LRMDA: variants seen among roughly 807,000 people sequenced by gnomAD.
The protein encoded by LRMDA is leucine-rich melanocyte differentiation-associated protein.
A neutral mutation model predicts 29.8 loss-of-function variants in LRMDA; 18 were observed. The ratio of observed to expected loss-of-function variants is 0.60; its 90% CI spans 0.42 to 0.90. The LOEUF (loss-of-function observed/expected upper bound fraction) is 0.90. Ranked by LOEUF, LRMDA falls within the 40% of genes least tolerant of loss-of-function variation. LRMDA has a pLI of 0.00. For synonymous variants in LRMDA, 125 were observed against 109.4 expected (o/e 1.14, Z -0.89); for missense variants, 273 against 273.9 (o/e 1.00, Z 0.02).
chr10:76,154,925 A>C (rs1351792984), intron 5 of LRMDA, among the ~76,000 whole-genome samples: 1 of 152,186 alleles, frequency 6.6e-6, no homozygotes, highest in Non-Finnish European at 1.5e-5. Context: ...TGCAAAAAGA[A>C]GGAGAAAGCA....
At chr10:75,904,702 G>A (rs78390601) in intron 2 of LRMDA, among the ~76,000 whole-genome samples, 10 of 152,210 alleles carry the variant, frequency 6.6e-5, no homozygotes, top group African/African-American at 2.4e-4. Context: ...TTTAATCAGC[G>A]CTCTTTGCGG....
At chr10:76,169,845 CT>C (rs1466883887) in intron 5 of LRMDA, among the ~76,000 whole-genome samples, 1 of 152,158 alleles carries the variant, frequency 6.6e-6, no homozygotes, top group African/African-American at 2.4e-5. Context: ...TAGGAGAATT[CT>C]TCATTGTCAT....
chr10:75,678,678 G>A (rs2132150419), intron 2 of LRMDA, among the ~76,000 whole-genome samples: 1 of 152,240 alleles, frequency 6.6e-6, no homozygotes, highest in South Asian at 2.1e-4. Flanking sequence ...TCAAAATGTT[G>A]ACAGCTGCAT....
intron 6 of LRMDA, among the ~76,000 whole-genome samples, chr10:76,495,502 CTTTATGTCTATAAAGAAT>C (rs1842873063): frequency 6.6e-6 from 1 of 151,646 alleles, no homozygotes; most frequent in African/African-American, 2.4e-5. Flanking sequence ...GAATATGTTT[CTTTATGTCTATAAAGAAT>C]CTTATTGACA....
At chr10:75,746,483 A>C (rs1307065222) in intron 2 of LRMDA, among the ~76,000 whole-genome samples, 24 of 152,188 alleles carry the variant, frequency 1.6e-4, no homozygotes. Flanking sequence ...TAAATTAGAG[A>C]GACACACGTA....
intron 6 of LRMDA, among the ~76,000 whole-genome samples, chr10:76,374,926 G>A (rs1841497956): frequency 6.6e-6 from 1 of 152,144 alleles, no homozygotes; most frequent in Non-Finnish European, 1.5e-5. Context: ...AGATTTTAAT[G>A]AAACTGTAGA....
At chr10:76,019,541 C>T (rs1014107628) in intron 2 of LRMDA, among the ~76,000 whole-genome samples, 2 of 152,040 alleles carry the variant, frequency 1.3e-5, no homozygotes, top group African/African-American at 4.8e-5. Flanking sequence ...ATAAACTTGA[C>T]ATTATAAAGC....
chr10:75,580,365 G>T (rs1840571648), intron 2 of LRMDA, among the ~76,000 whole-genome samples: 1 of 152,130 alleles, frequency 6.6e-6, no homozygotes, highest in East Asian at 1.9e-4. Context: ...ACTTAAAAGG[G>T]ATGTGAAGGA....
intron 2 of LRMDA, among the ~76,000 whole-genome samples, chr10:75,846,167 G>A (rs1361926949): frequency 1.5e-5 from 2 of 131,704 alleles, no homozygotes; most frequent in East Asian, 4.2e-4. Flanking sequence ...TTACTTATTT[G>A]TGTGTGTGTT....
chr10:76,327,979 A>G (rs993417505), intron 6 of LRMDA, among the ~76,000 whole-genome samples: 14 of 152,178 alleles, frequency 9.2e-5, no homozygotes, highest in Non-Finnish European at 1.5e-4. Context: ...TAACTGATGG[A>G]ATTATTTTAC....
intron 6 of LRMDA, among the ~76,000 whole-genome samples, chr10:76,427,517 G>T (rs1267605151): frequency 6.6e-6 from 1 of 152,140 alleles, no homozygotes; most frequent in East Asian, 1.9e-4. Flanking sequence ...AGACGATGGG[G>T]TTTTCTAGAT....
intron 6 of LRMDA, among the ~76,000 whole-genome samples, chr10:76,384,404 G>A (rs900660845): frequency 2.6e-5 from 4 of 152,192 alleles, no homozygotes; most frequent in African/African-American, 9.7e-5. Context: ...AGAGACACAT[G>A]TGAAAACAAA....
rs898562960 is a variant in LRMDA at position 75,915,148 on chromosome 10, T to G, written c.132-120860T>G. ...TTTTTTTTTTTTTTTTTTTTTTTTT[T>G]TGAGACAGAGTATTGCCCTGTCACC... On this transcript the variant is annotated intron_variant, in intron 2 of 6. Coordinates refer to ENST00000611255, the MANE Select transcript of LRMDA (RefSeq NM_001305581.2). Among the ~76,000 whole-genome samples the G allele has an allele frequency of 4.2e-3, 425 of 100,100 alleles. 2 individuals carry two copies. Among genetic ancestry groups the G allele is most frequent in the African/African-American group, 0.017 (405 of 23,282 alleles). 65.7% of individuals were successfully genotyped at this position (100,100 alleles called of 152,430 possible). A position where few individuals can be genotyped will look rare whatever the true frequency, so the allele number is the denominator to read the frequency against.
intron 5 of LRMDA, among the ~76,000 whole-genome samples, chr10:76,255,773 C>A (rs1474084153): frequency 6.6e-6 from 1 of 152,054 alleles, no homozygotes; most frequent in East Asian, 1.9e-4. Context: ...ATGAAGCTCA[C>A]AAAAGAATTG....
chr10:75,920,670 T>C (rs981939681), intron 2 of LRMDA, among the ~76,000 whole-genome samples: 13 of 149,920 alleles, frequency 8.7e-5, no homozygotes, highest in African/African-American at 3.1e-4. Context: ...CATTCCTCCT[T>C]CTTCTCTGGC....
chr10:75,743,138 A>G (rs1330698779), intron 2 of LRMDA, among the ~76,000 whole-genome samples: 2 of 152,080 alleles, frequency 1.3e-5, no homozygotes, highest in East Asian at 1.9e-4. Context: ...AGGGGGTGGT[A>G]AGAGATGAGG....
chr10:76,388,371 C>T (rs900612215), intron 6 of LRMDA, among the ~76,000 whole-genome samples: 2 of 152,214 alleles, frequency 1.3e-5, no homozygotes, highest in Non-Finnish European at 2.9e-5. Flanking sequence ...TCTTCACCCT[C>T]AGCTGGGAAG....
chr10:76,176,330 A>G (rs1850934050), intron 5 of LRMDA, among the ~76,000 whole-genome samples: 1 of 152,182 alleles, frequency 6.6e-6, no homozygotes, highest in Non-Finnish European at 1.5e-5. Flanking sequence ...CCAAGAAGGG[A>G]TAAGATCAAA....
intron 2 of LRMDA, among the ~76,000 whole-genome samples, chr10:75,984,861 T>C (rs985372792): frequency 5.5e-4 from 84 of 152,218 alleles, no homozygotes; most frequent in Non-Finnish European, 1.6e-4. Flanking sequence ...CACCCTCTGC[T>C]CAAAAGGCAT....
Sources: allele counts gnomAD v4.1 joint callset (sites outside exome capture counted in the v4.1 genomes callset), GRCh38; gene constraint gnomAD v4.1.1; transcripts MANE v1.5; gene names NCBI Gene and HGNC (gene_info 2026-07-23, HGNC 2026-07-21).